The following USP24 variants were observed in gnomAD, a reference collection of about 807,000 sequenced individuals.
USP24 encodes ubiquitin specific peptidase 24, also known as ubiquitin carboxyl-terminal hydrolase 24.
USP24 carries 97 observed loss-of-function variants against 361.6 expected under a neutral mutation model. That is an observed-to-expected ratio of 0.27 (90% CI 0.23 to 0.32). USP24 has a LOEUF of 0.32. Ranked by LOEUF, USP24 falls within the 10% of genes least tolerant of loss-of-function variation. USP24 has a pLI of 1.00. For missense variants in USP24, 2,353 were observed against 3,165.6 expected (o/e 0.74, Z 6.16); for synonymous variants, 1,098 against 1,124.6 (o/e 0.98, Z 0.47).
chr1:55,098,661 T>A, intron 45 of USP24, 103 bp from the exon 46 acceptor site: 1 of 805,388 alleles, frequency 1.2e-6, no homozygotes, highest in South Asian at 1.6e-5. Flanking sequence ...ACAAAACGCG[T>A]CATTCTGGTA....
intron 65 of USP24, among the ~76,000 whole-genome samples, 158 bp downstream of exon 65, chr1:55,072,628 A>G (rs1163151848): frequency 6.6e-6 from 1 of 152,204 alleles, no homozygotes; most frequent in African/African-American, 2.4e-5. Context: ...ATTAGGACAA[A>G]TTTAATGCAC....
At chr1:55,069,851 T>G (rs1373226153) in intron 67 of USP24, among the ~76,000 whole-genome samples, 2 of 108,564 alleles carry the variant, frequency 1.8e-5, no homozygotes, top group African/African-American at 7.4e-5. Context: ...CCAGCCTGGG[T>G]GACAGAGCAA....
Position 55,166,450 on chromosome 1 carries a change from T to C in USP24, c.861+118A>G, listed in dbSNP as rs947598014. On this transcript the variant is annotated intron_variant, in intron 6 of 67. Coordinates refer to ENST00000294383, the MANE Select transcript of USP24 (RefSeq NM_015306.3). ...GGAAGAAAATATGAAATCCACTCCT[T>C]AAAGCATTTTTTTTATTATTCTCTG... 3.3e-5 allele frequency: 32 copies of C among 983,960 alleles called. No individual in the cohort carries two copies. In the African/African-American group the frequency reaches 5.2e-4, roughly 16 times the overall value. The allele number at this position is 983,960 out of a possible 1,614,324, so 61.0% of individuals were successfully genotyped here. A position where few individuals can be genotyped will look rare whatever the true frequency, so the allele number is the denominator to read the frequency against.
chr1:55,204,758 C>T (rs1173205505), intron 1 of USP24, among the ~76,000 whole-genome samples: 1 of 152,170 alleles, frequency 6.6e-6, no homozygotes, highest in African/African-American at 2.4e-5. Flanking sequence ...TAGCTCAGTG[C>T]CTAGCACACA....
Position 55,165,900 on chromosome 1 carries a change from T to C in USP24, c.912A>G (p.Glu304=). The C allele has an allele frequency of 6.2e-7, 1 of 1,606,688 alleles. No individual in the cohort carries two copies. The highest frequency in any genetic ancestry group is 8.5e-7 in the Non-Finnish European group (1 of 1,175,770). ...FAAIQAKLHS[E]DIELGAVSAL... ...TTTAACTTACCCCAAGTTCTATATC[T>C]TCTGAATGGAGCTTGGCTTGGATTG... Residue 304 remains glutamate (E), a synonymous_variant, in exon 7 of 68, where the codon GAA becomes GAG. Coordinates refer to ENST00000294383, the MANE Select transcript of USP24 (RefSeq NM_015306.3).
At chr1:55,188,088 T>C (rs1199774626) in intron 1 of USP24, among the ~76,000 whole-genome samples, 2 of 152,196 alleles carry the variant, frequency 1.3e-5, no homozygotes, top group African/African-American at 4.8e-5. Context: ...TAATACCTGG[T>C]ATTTATGGTC....
chr1:55,210,519 C>A (rs1224620547), intron 1 of USP24, among the ~76,000 whole-genome samples: 2 of 152,126 alleles, frequency 1.3e-5, no homozygotes, highest in African/African-American at 4.8e-5. Flanking sequence ...AAAAGAATAA[C>A]ATGAATTTTA....
At chr1:55,175,641 T>C (rs926145686) in intron 3 of USP24, among the ~76,000 whole-genome samples, 3 of 152,182 alleles carry the variant, frequency 2.0e-5, no homozygotes, top group African/African-American at 7.2e-5. Context: ...AAAAGAATCA[T>C]TCATTGCAAC....
intron 23 of USP24, 90 bp downstream of exon 23, chr1:55,142,652 A>C (rs1646922471): frequency 1.0e-6 from 1 of 955,576 alleles, no homozygotes; most frequent in African/African-American, 1.7e-5. Context: ...AGCCACAAAC[A>C]TCAACATTAT....
At chr1:55,070,400 C>T (rs1244105857) in intron 67 of USP24, among the ~76,000 whole-genome samples, 1 of 152,080 alleles carries the variant, frequency 6.6e-6, no homozygotes, top group Non-Finnish European at 1.5e-5. Context: ...GAAGGAACAG[C>T]CAGAAGGGTT....
rs190579111 is a variant in USP24, at chr1:55,186,747, T to C, written c.325-8615A>G. 2.6e-3 allele frequency among the ~76,000 whole-genome samples: 402 copies of C among 152,284 alleles called. 10 individuals are homozygous for C. Among genetic ancestry groups the C allele is most frequent in the East Asian group, 1.7e-3 (9 of 5,188 alleles). ...ACAGATGAAGAAAGCAGAATGTTGG[T>C]TGCCAAGGGCTGGGTGCAGGGGGGA... On this transcript the variant is annotated intron_variant, in intron 1 of 67. Coordinates refer to ENST00000294383, the MANE Select transcript of USP24 (RefSeq NM_015306.3).
intron 59 of USP24, among the ~76,000 whole-genome samples, chr1:55,081,084 A>T (rs995431962): frequency 1.2e-4 from 19 of 152,090 alleles, no homozygotes; most frequent in African/African-American, 3.6e-4. Flanking sequence ...GAGTTGTTTT[A>T]AAAAAAATAC....
intron 19 of USP24, among the ~76,000 whole-genome samples, 163 bp downstream of exon 19, chr1:55,146,766 T>A (rs866235995): frequency 5.9e-5 from 9 of 152,208 alleles, no homozygotes; most frequent in African/African-American, 2.2e-4. Flanking sequence ...ATTTTTATCA[T>A]GAATATATGT....
intron 58 of USP24, among the ~76,000 whole-genome samples, chr1:55,083,029 T>A (rs553095668): frequency 6.6e-6 from 1 of 151,870 alleles, no homozygotes; most frequent in South Asian, 2.1e-4. Flanking sequence ...TGAAACCCCC[T>A]CCCCAGTCAG....
chr1:55,085,597 A>G (rs1645233818), intron 56 of USP24, among the ~76,000 whole-genome samples: 1 of 152,186 alleles, frequency 6.6e-6, no homozygotes, highest in Non-Finnish European at 1.5e-5. Context: ...GGTGGCTCAA[A>G]ATGTCTGCTG....
rs1473855165 is a variant in USP24 at position 55,125,649 on chromosome 1, A to G, written c.3731+14T>C. The G allele has an allele frequency of 6.3e-7, 1 of 1,585,652 alleles. No individual in the cohort carries two copies. Among genetic ancestry groups the G allele is most frequent in the East Asian group, 2.3e-5 (1 of 44,090 alleles). On this transcript the variant is annotated intron_variant, in intron 33 of 67. Coordinates refer to ENST00000294383, the MANE Select transcript of USP24 (RefSeq NM_015306.3). ...AGTATTGCCTGGTAAGACTAATGCA[A>G]TATATTTACATACCTTGCAAGCTGT... is the stretch of plus-strand genomic sequence containing the variant.
rs1406571547 is a variant in USP24 at position 55,100,981 on chromosome 1, C to T, written c.5146-17G>A. The stretch of plus-strand genomic sequence containing the variant: ...AAGTAATGACTGCACAGAAAAGAAA[C>T]ATATCAAGCTTGAAATATTTAAAAT... On this transcript the variant is annotated splice_polypyrimidine_tract_variant and intron_variant, in intron 43 of 67. Transcript: ENST00000294383. 1.2e-6 allele frequency: 2 copies of T among 1,604,886 alleles called. No homozygotes were observed. The highest frequency in any genetic ancestry group is 1.3e-5 in the African/African-American group (1 of 74,236).
intron 59 of USP24, 50 bp from the exon 60 acceptor site, chr1:55,079,709 T>C (rs777056837): frequency 6.7e-7 from 1 of 1,495,144 alleles, no homozygotes; most frequent in Non-Finnish European, 8.8e-7. Flanking sequence ...CTGGTGTTAC[T>C]CCACAAAATA....
chr1:55,210,087 TATG>T (rs991659891), intron 1 of USP24, among the ~76,000 whole-genome samples: 1 of 152,230 alleles, frequency 6.6e-6, no homozygotes, highest in African/African-American at 2.4e-5. Flanking sequence ...CACAACCTAC[TATG>T]ATTTCACTAA....
Sources: allele counts gnomAD v4.1 joint callset (sites outside exome capture counted in the v4.1 genomes callset), GRCh38; gene constraint gnomAD v4.1.1; transcripts MANE v1.5; gene names NCBI Gene and HGNC (gene_info 2026-07-23, HGNC 2026-07-21).